MACROD2: variants seen among roughly 807,000 people sequenced by gnomAD.
The protein encoded by MACROD2 is ADP-ribose glycohydrolase MACROD2.
Under a neutral mutation model 70.4 loss-of-function variants are expected in MACROD2, and 36 were observed. That is an observed-to-expected ratio of 0.51 (90% CI 0.39 to 0.68). The LOEUF (loss-of-function observed/expected upper bound fraction) is 0.68, where lower values mean the gene tolerates loss of function less well. MACROD2 is among the 30% of genes least tolerant of loss of function. MACROD2 has a pLI of 0.00. For missense variants in MACROD2, 496 were observed against 538.4 expected, an observed-to-expected ratio of 0.92 and a Z score of 0.78; for synonymous variants, 172 against 178.8, an observed-to-expected ratio of 0.96 and a Z score of 0.30.
At chr20:15,762,095 A>G (rs1013785386) in intron 8 of MACROD2, among the ~76,000 whole-genome samples, 1 of 152,218 alleles carries the variant, frequency 6.6e-6, no homozygotes, top group African/African-American at 2.4e-5. Context: ...CAGATGATAG[A>G]ATAAAAGCCC....
At chr20:14,849,914 T>C (rs753159552) in intron 5 of MACROD2, 2 of 495,044 alleles carry the variant, frequency 4.0e-6, no homozygotes, top group South Asian at 3.0e-5. Flanking sequence ...CAAATTTGGA[T>C]GCAAGAAAGC....
intron 5 of MACROD2, among the ~76,000 whole-genome samples, chr20:14,957,395 T>C (rs1027797417): frequency 6.6e-6 from 1 of 152,170 alleles, no homozygotes; most frequent in African/African-American, 2.4e-5. Flanking sequence ...GTTCTGGAAT[T>C]ATAATAGCGA....
At chr20:14,043,004 G>A (rs927948078) in intron 2 of MACROD2, among the ~76,000 whole-genome samples, 1 of 146,192 alleles carries the variant, frequency 6.8e-6, no homozygotes, top group Non-Finnish European at 1.5e-5. Flanking sequence ...CCACAGCCTC[G>A]ACCTTCTGAG....
intron 3 of MACROD2, among the ~76,000 whole-genome samples, chr20:14,165,317 A>G (rs2055251780): frequency 6.6e-6 from 1 of 152,078 alleles, no homozygotes; most frequent in African/African-American, 2.4e-5. Context: ...GGGAACGTGG[A>G]CTGCTGGGGG....
chr20:14,738,523 A>T, intron 5 of MACROD2, among the ~76,000 whole-genome samples: 1 of 152,062 alleles, frequency 6.6e-6, no homozygotes, highest in East Asian at 1.9e-4. Flanking sequence ...AATGTAAGTG[A>T]GGGAGGGCTG....
At chr20:15,005,148 CAT>C (rs2075025910) in intron 5 of MACROD2, among the ~76,000 whole-genome samples, 1 of 152,126 alleles carries the variant, frequency 6.6e-6, no homozygotes, top group South Asian at 2.1e-4. Flanking sequence ...CACCTTCAAA[CAT>C]AAAAACAATT....
intron 15 of MACROD2, among the ~76,000 whole-genome samples, chr20:16,006,161 C>T (rs559468443): frequency 2.4e-4 from 36 of 152,270 alleles, no homozygotes; most frequent in Non-Finnish European, 3.5e-4. Context: ...ACTTTAAATT[C>T]TCAGAATATT....
At chr20:14,782,635 C>T (rs2072316281) in intron 5 of MACROD2, among the ~76,000 whole-genome samples, 1 of 152,084 alleles carries the variant, frequency 6.6e-6, no homozygotes. Flanking sequence ...CAATTCCTGA[C>T]AACTGTAAAG....
intron 4 of MACROD2, among the ~76,000 whole-genome samples, chr20:14,507,254 C>T (rs1372091625): frequency 6.6e-6 from 1 of 151,996 alleles, no homozygotes; most frequent in Non-Finnish European, 1.5e-5. Flanking sequence ...TATTCTCTTT[C>T]CTCTCTTTCT....
At chr20:14,231,836 C>T (rs2081816224) in intron 3 of MACROD2, among the ~76,000 whole-genome samples, 1 of 152,288 alleles carries the variant, frequency 6.6e-6, no homozygotes, top group South Asian at 2.1e-4. Flanking sequence ...GCCATTCTAA[C>T]TGGTGTGAGA....
chr20:14,750,726 T>C (rs941191111), intron 5 of MACROD2, among the ~76,000 whole-genome samples: 4 of 151,908 alleles, frequency 2.6e-5, no homozygotes, highest in African/African-American at 9.7e-5. Flanking sequence ...TCCCAAATGC[T>C]GGGATTACGA....
rs1198206760 is a variant in MACROD2, at chr20:14,232,214, C to A, written c.271+146486C>A. Among the ~76,000 whole-genome samples, 6 of 9,124 alleles carry A rather than the reference C, an allele frequency of 6.6e-4. No individual in the cohort carries two copies. The Admixed American group carries it at 0.016, about 24-fold the overall frequency. 6.0% of individuals were successfully genotyped at this position (9,124 alleles called of 152,430 possible). The stretch of plus-strand genomic sequence containing the variant: ...TGGTGTTTTAGACATGAAGTCCTTG[C>A]CCAGCCTATTCTTAATGGCCCTACG... On this transcript the variant is annotated intron_variant, in intron 3 of 17. Coordinates refer to ENST00000684519, the MANE Select transcript of MACROD2 (RefSeq NM_001351661.2).
chr20:15,362,174 G>T (rs2078360202), intron 6 of MACROD2, among the ~76,000 whole-genome samples: 1 of 151,940 alleles, frequency 6.6e-6, no homozygotes, highest in Non-Finnish European at 1.5e-5. Flanking sequence ...ACCACACCCA[G>T]TGAGTTTTTA....
chr20:15,185,856 A>G (rs2076531337), intron 5 of MACROD2, among the ~76,000 whole-genome samples: 2 of 152,206 alleles, frequency 1.3e-5, no homozygotes, highest in South Asian at 2.1e-4. Flanking sequence ...TTTATCATCA[A>G]GTTTCAAAGT....
intron 6 of MACROD2, among the ~76,000 whole-genome samples, chr20:15,351,057 A>G (rs918031719): frequency 3.3e-5 from 5 of 151,814 alleles, no homozygotes; most frequent in Admixed American, 6.6e-5. Context: ...GGAAAGTGTT[A>G]ACAGAAATGA....
At position 14,648,822 on chromosome 20, in the gene MACROD2, A is replaced by G. The variant is rs540168468; in HGVS notation, c.302-36021A>G. The stretch of plus-strand genomic sequence containing the variant: ...TATTTTGTACTTTATACCATTATGT[A>G]TTTAACCAAGAATGTCTTTATTAAA... On this transcript the variant is annotated intron_variant, in intron 4 of 17. Transcript: ENST00000684519. Among the ~76,000 whole-genome samples the G allele has an allele frequency of 2.6e-5, 4 of 152,304 alleles. No individual in the cohort carries two copies. The East Asian group carries it at 7.7e-4, about 29-fold the overall frequency.
intron 3 of MACROD2, among the ~76,000 whole-genome samples, chr20:14,455,219 A>G (rs890184692): frequency 1.3e-5 from 2 of 151,914 alleles, no homozygotes; most frequent in African/African-American, 4.9e-5. Context: ...TTAAAATAAC[A>G]TGGGAATTCA....
intron 5 of MACROD2, among the ~76,000 whole-genome samples, chr20:14,776,663 T>C (rs2072237918): frequency 6.6e-6 from 1 of 152,094 alleles, no homozygotes; most frequent in African/African-American, 2.4e-5. Context: ...TTTTTGAAGA[T>C]GACAATATAT....
At chr20:15,027,269 T>C (rs2075239258) in intron 5 of MACROD2, among the ~76,000 whole-genome samples, 1 of 152,224 alleles carries the variant, frequency 6.6e-6, no homozygotes, top group Admixed American at 6.5e-5. Context: ...CATCTCTTTG[T>C]CCTATCATGT....
Sources: gnomAD v4.1 joint callset for allele counts (sites outside exome capture counted in the v4.1 genomes callset) on GRCh38, gnomAD v4.1.1 for gene constraint, MANE v1.5 for transcripts, NCBI Gene and HGNC (gene_info 2026-07-23, HGNC 2026-07-21) for gene names.